RNF213: variants seen among roughly 807,000 people sequenced by gnomAD.
RNF213 encodes the protein ring finger protein 213.
A neutral mutation model predicts 514.4 loss-of-function variants in RNF213; 341 were observed. The observed-to-expected ratio is 0.66, with a 90% CI of 0.61 to 0.73. RNF213 has a LOEUF of 0.73. Among genes scored for constraint, RNF213 ranks in the 30% least tolerant of loss-of-function variants. The pLI, the probability that RNF213 is intolerant of heterozygous loss-of-function variation, is 0.00. For synonymous variants in RNF213, 2,655 were observed against 2,658.2 expected (o/e 1.00, Z 0.04); for missense variants, 5,767 against 6,615.6 (o/e 0.87, Z 4.45).
chr17:80,319,604 C>T, intron 17 of RNF213: 6 of 1,552,708 alleles, frequency 3.9e-6, no homozygotes, highest in East Asian at 2.4e-5. Context: ...GGCCGTTCCT[C>T]AGATGGCCCT....
intron 49 of RNF213, 148 bp downstream of exon 49, chr17:80,373,313 C>G: frequency 1.6e-6 from 1 of 623,374 alleles, no homozygotes; most frequent in South Asian, 1.8e-5. Context: ...TACCCCCACA[C>G]CTCACCCTCA....
Position 80,346,359 on chromosome 17 carries a change from A to G in RNF213, c.8024A>G (p.His2675Arg). Residue 2675 changes from histidine (H) to arginine (R), a missense_variant, in exon 29 of 68, where the codon CAC becomes CGC. Physicochemically the swap from His to Arg is conservative, Grantham distance 29. Coordinates refer to ENST00000582970, the MANE Select transcript of RNF213 (RefSeq NM_001256071.3). This position sits in a 1 kb window ranked among gnomAD's most constrained non-coding sequence, Gnocchi z 8.1. ...FLSKSSVSKN[H>R]TERDPVLWSL... ...TCCAAGTCCAGCGTCAGCAAAAATC[A>G]CACCGAGAGAGATCCCGTCCTCTGG... 3.7e-6 allele frequency: 6 copies of G among 1,613,364 alleles called. No homozygotes were observed. The highest frequency in any genetic ancestry group is 5.1e-6 in the Non-Finnish European group (6 of 1,179,972).
rs755275808 is a variant in RNF213, at chr17:80,363,626, C to T, written c.11586C>T (p.Ala3862=). 2.4e-5 allele frequency: 38 copies of T among 1,613,792 alleles called. No individual in the cohort carries two copies. In the Middle Eastern group the frequency reaches 6.7e-4, roughly 28 times the overall value. Residue 3862 remains alanine, a synonymous_variant, in exon 41 of 68, where the codon GCC becomes GCT. Coordinates refer to ENST00000582970, the MANE Select transcript of RNF213 (RefSeq NM_001256071.3). The part of the protein sequence containing the change: ...AGCEMTLDAF[A]AMACTEMLTR... ...CTCCCCAGACCCTGGACGCATTTGC[C>T]GCAATGGCCTGCACGGAGATGCTGA...
Position 80,376,565 on chromosome 17 carries a change from A to G in RNF213, c.13428+22A>G, listed in dbSNP as rs755041134. 4 of 1,613,734 alleles carry G rather than the reference A, an allele frequency of 2.5e-6. No homozygotes were observed. The South Asian group carries it at 3.3e-5, about 13-fold the overall frequency. On this transcript the variant is annotated intron_variant, in intron 52 of 67. Coordinates refer to ENST00000582970, the MANE Select transcript of RNF213 (RefSeq NM_001256071.3). ...GGCGGTAAGAGTAGGCCACAATTCC[A>G]TCGGCCTTCACTGGAACACCCCCCA...
In RNF213 at chr17:80,334,201, C is replaced by T. The variant is rs368089058; in HGVS notation, c.4240C>T (p.Arg1414Trp). The change falls in exon 22 of 68, where the codon CGG (arginine) becomes TGG (tryptophan). Residue 1414 changes from arginine to tryptophan, a missense_variant. By Grantham distance (101) the Arg-to-Trp change is moderately radical. This residue lies in a region of RNF213 where 516 missense variants were observed against 566.5 expected (regional missense o/e 0.91). Coordinates refer to ENST00000582970, the MANE Select transcript of RNF213 (RefSeq NM_001256071.3). ...KKLLQDISEA[R>W]CKGLQALSLR... The stretch of plus-strand genomic sequence containing the variant: ...GCTGCTCCAGGACATCAGCGAGGCC[C>T]GGTGCAAGGGGCTGCAGGCTCTGTC... The T allele has an allele frequency of 2.2e-5, 34 of 1,537,104 alleles. No individual in the cohort carries two copies. Among genetic ancestry groups the T allele is most frequent in the African/African-American group, 8.2e-5 (6 of 73,036 alleles).
intron 61 of RNF213, 114 bp from the exon 62 acceptor site, chr17:80,386,136 C>A (rs1277994701): frequency 9.8e-7 from 1 of 1,018,844 alleles, no homozygotes. Context: ...AGAACCGAGA[C>A]CCGGCTCCCG....
chr17:80,272,292 TAATAA>T (rs1406221164), intron 2 of RNF213, among the ~76,000 whole-genome samples: 7 of 151,972 alleles, frequency 4.6e-5, no homozygotes, highest in African/African-American at 1.2e-4. Flanking sequence ...TCAAAAAAAA[TAATAA>T]AATAAAATAA....
intron 11 of RNF213, among the ~76,000 whole-genome samples, chr17:80,304,493 A>T (rs183807258): frequency 5.3e-4 from 81 of 152,066 alleles, no homozygotes; most frequent in African/African-American, 1.9e-3. Context: ...ACAAAAAATG[A>T]GCCGGGCGTG....
chr17:80,354,412 G>A, intron 35 of RNF213, 29 bp from the exon 36 acceptor site: 1 of 1,614,160 alleles, frequency 6.2e-7, no homozygotes, highest in Non-Finnish European at 8.5e-7. Context: ...CCACGGCCAT[G>A]CTGAACGTCT....
chr17:80,362,015 C>A, intron 39 of RNF213, 127 bp downstream of exon 39: 1 of 1,126,380 alleles, frequency 8.9e-7, no homozygotes, highest in Non-Finnish European at 1.3e-6. Context: ...AGAACATGGT[C>A]AGCGAAGGGT....
intron 32 of RNF213, chr17:80,352,616 T>C (rs1002621354): frequency 1.5e-5 from 9 of 586,398 alleles, no homozygotes; most frequent in Non-Finnish European, 2.4e-5. Context: ...CCCCCACCCC[T>C]CACTAACTGT....
chr17:80,387,832 A>G (rs2080299495), intron 63 of RNF213, among the ~76,000 whole-genome samples: 1 of 152,136 alleles, frequency 6.6e-6, no homozygotes, highest in Non-Finnish European at 1.5e-5. Context: ...GCCACACAGC[A>G]GGCACTTTCC....
In RNF213 at chr17:80,304,437, G is replaced by A. The variant is rs143694282; in HGVS notation, c.2211-1815G>A. ...AGGTGGATCACAAGGTCAGGAGATC[G>A]AGACAAGCCTGGCTAACACAGTGAA... On this transcript the variant is annotated intron_variant, in intron 11 of 67. Transcript: ENST00000582970. 9.9e-4 allele frequency among the ~76,000 whole-genome samples: 150 copies of A among 152,156 alleles called. No individual in the cohort carries two copies. The Middle Eastern group carries it at 0.01, about 10-fold the overall frequency.
At chr17:80,295,075 C>T (rs1040091803) in intron 9 of RNF213, 72 bp downstream of exon 9, 11 of 1,575,184 alleles carry the variant, frequency 7.0e-6, no homozygotes, top group Non-Finnish European at 9.6e-6. Flanking sequence ...GGCCGGATGA[C>T]CCCTTGACTC....
At chr17:80,272,668 A>G (rs113058018) in intron 2 of RNF213, among the ~76,000 whole-genome samples, 1,785 of 152,298 alleles carry the variant, frequency 0.012, 28 homozygotes, top group African/African-American at 0.041. Context: ...GGGGATGGAC[A>G]AAGTGCGTCC....
In RNF213 at chr17:80,369,871, A is replaced by G. The variant is rs2079445514; in HGVS notation, c.12425+4A>G. On this transcript the variant is annotated splice_donor_region_variant and intron_variant, in intron 46 of 67. Transcript: ENST00000582970. Reference sequence around the variant, plus strand: ...TGAAACTGCTTTTGAAGTACAGGTAAGAACAACATGGAGACTTGCTTCTGG... The same window carrying G: ...TGAAACTGCTTTTGAAGTACAGGTAGGAACAACATGGAGACTTGCTTCTGG... 6.3e-7 allele frequency: 1 copy of G among 1,585,138 alleles called. No individual in the cohort carries two copies. Among genetic ancestry groups the G allele is most frequent in the Non-Finnish European group, 8.7e-7 (1 of 1,154,018 alleles).
rs1197733684 is a variant in RNF213 at position 80,397,839 on chromosome 17, C to G, written c.*4341C>G. 1 of 149,812 alleles carries G rather than the reference C, an allele frequency of 6.7e-6. No homozygotes were observed. The highest frequency in any genetic ancestry group is 2.3e-4 in the South Asian group (1 of 4,440). 9.3% of individuals were successfully genotyped at this position (149,812 alleles called of 1,614,324 possible). On this transcript the variant is annotated 3_prime_UTR_variant, in exon 68 of 68. Transcript: ENST00000582970. The stretch of plus-strand genomic sequence containing the variant: ...TTAATGGATGGTTGAGGCAGCCCCT[C>G]AGACGGCTTAGGCCTGCCCTGTGGA...
intron 18 of RNF213, 147 bp downstream of exon 18, chr17:80,325,345 C>A: frequency 1.3e-6 from 1 of 758,828 alleles, no homozygotes; most frequent in Non-Finnish European, 2.0e-6. Context: ...GACAGAGAGA[C>A]CCTGGAAGGC....
rs545731014 is a variant in RNF213, at chr17:80,369,808, T to C, written c.12366T>C (p.Asp4122=). 3 of 1,614,056 alleles carry C rather than the reference T, an allele frequency of 1.9e-6. No individual in the cohort carries two copies. The highest frequency in any genetic ancestry group is 2.5e-6 in the Non-Finnish European group (3 of 1,179,934). Residue 4122 remains aspartate, a synonymous_variant, in exon 46 of 68, where the codon GAT becomes GAC. Coordinates refer to ENST00000582970, the MANE Select transcript of RNF213 (RefSeq NM_001256071.3). ...CAAAATCTCTCTCTCCATTCAATGA[T>C]GTTGTGGATAAGACTCCTGTCATCC... The part of the protein sequence containing the change: ...EHTKSLSPFN[D]VVDKTPVIRS...
Sources: gnomAD v4.1 joint callset for allele counts (sites outside exome capture counted in the v4.1 genomes callset) on GRCh38, gnomAD v4.1.1 for gene constraint, gnomAD v4.1.1 regional missense constraint, Gnocchi (gnomAD v3.1) non-coding constraint, MANE v1.5 for transcripts, NCBI Gene and HGNC (gene_info 2026-07-23, HGNC 2026-07-21) for gene names.